Variants in LRRTM4 observed in about 807,000 individuals in gnomAD.
LRRTM4 encodes the protein leucine-rich repeat transmembrane neuronal protein 4.
Under a neutral mutation model 47.6 loss-of-function variants are expected in LRRTM4, and 25 were observed. The ratio of observed to expected loss-of-function variants is 0.53; its 90% CI spans 0.38 to 0.73. The LOEUF (loss-of-function observed/expected upper bound fraction) is 0.73, where lower values mean the gene tolerates loss of function less well. Among genes scored for constraint, LRRTM4 ranks in the 30% least tolerant of loss-of-function variants. The pLI, the probability that LRRTM4 is intolerant of heterozygous loss-of-function variation, is 0.00. For synonymous variants in LRRTM4, 311 were observed against 269.5 expected, an observed-to-expected ratio of 1.15 and a Z score of -1.51; for missense variants, 638 against 713.4, an observed-to-expected ratio of 0.89 and a Z score of 1.20.
intron 3 of LRRTM4, among the ~76,000 whole-genome samples, chr2:77,304,379 T>G (rs1677217439): frequency 6.6e-6 from 1 of 152,180 alleles, no homozygotes; most frequent in Admixed American, 6.5e-5. Context: ...TTGCAAATAT[T>G]TTATCTTATA....
intron 3 of LRRTM4, among the ~76,000 whole-genome samples, chr2:77,240,140 A>T (rs1207596158): frequency 6.6e-6 from 1 of 151,938 alleles, no homozygotes; most frequent in Non-Finnish European, 1.5e-5. Context: ...CTATCTATAA[A>T]ATTTCCATAT....
chr2:77,344,824 C>T (rs1460049093), intron 3 of LRRTM4, among the ~76,000 whole-genome samples: 1 of 151,544 alleles, frequency 6.6e-6, no homozygotes, highest in African/African-American at 2.4e-5. Context: ...CTCTCTGCGA[C>T]CCACAGAGAC....
chr2:77,127,919 C>T (rs150831876), intron 3 of LRRTM4, among the ~76,000 whole-genome samples: 8 of 151,876 alleles, frequency 5.3e-5, no homozygotes, highest in East Asian at 1.9e-4. Context: ...CCAAGGCGGG[C>T]GGATCATGAG....
chr2:77,324,670 T>C (rs1573254432), intron 3 of LRRTM4, among the ~76,000 whole-genome samples: 1 of 152,042 alleles, frequency 6.6e-6, no homozygotes, highest in Non-Finnish European at 1.5e-5. Flanking sequence ...GCTGGAGAGG[T>C]TGACGAAAAC....
chr2:76,771,658 GA>G (rs1444105144), intron 3 of LRRTM4, among the ~76,000 whole-genome samples: 1 of 67,528 alleles, frequency 1.5e-5, no homozygotes, highest in African/African-American at 8.9e-5. Flanking sequence ...AAAAAAAAAA[GA>G]AAAAGAAAAG....
chr2:77,029,529 C>T (rs965074813), intron 3 of LRRTM4, among the ~76,000 whole-genome samples: 8 of 152,130 alleles, frequency 5.3e-5, no homozygotes, highest in Non-Finnish European at 8.8e-5. Flanking sequence ...CTCCACATTC[C>T]ACTTTCTTCT....
chr2:77,218,781 G>A (rs980285135), intron 3 of LRRTM4, among the ~76,000 whole-genome samples: 1 of 152,098 alleles, frequency 6.6e-6, no homozygotes, highest in Admixed American at 6.6e-5. Context: ...GGTGAATTTT[G>A]CAGCTCCATT....
At chr2:77,390,809 A>G (rs1363990832) in intron 3 of LRRTM4, among the ~76,000 whole-genome samples, 1 of 151,810 alleles carries the variant, frequency 6.6e-6, no homozygotes, top group African/African-American at 2.4e-5. Flanking sequence ...TTTCACTAAC[A>G]TTTTTGATGA....
intron 3 of LRRTM4, among the ~76,000 whole-genome samples, chr2:77,277,017 C>G (rs1047079276): frequency 6.6e-6 from 1 of 151,734 alleles, no homozygotes; most frequent in Admixed American, 6.6e-5. Context: ...GTATTCTGTG[C>G]TCGCCTATGT....
At chr2:77,182,960 A>T (rs991975710) in intron 3 of LRRTM4, among the ~76,000 whole-genome samples, 2 of 152,262 alleles carry the variant, frequency 1.3e-5, no homozygotes, top group African/African-American at 4.8e-5. Flanking sequence ...CTTACATGTT[A>T]GACCTAAAAC....
chr2:76,900,994 T>G (rs553860942), intron 3 of LRRTM4, among the ~76,000 whole-genome samples: 1 of 152,214 alleles, frequency 6.6e-6, no homozygotes, highest in South Asian at 2.1e-4. Context: ...AATTCTCCTA[T>G]TCAAGGAAAT....
intron 3 of LRRTM4, among the ~76,000 whole-genome samples, chr2:77,315,222 C>G (rs1487592481): frequency 6.6e-6 from 1 of 152,068 alleles, no homozygotes; most frequent in African/African-American, 2.4e-5. Context: ...ACATTTATGA[C>G]TAGGTTGACA....
intron 3 of LRRTM4, among the ~76,000 whole-genome samples, chr2:76,805,491 G>GAGTT (rs1290295117): frequency 3.3e-5 from 5 of 152,144 alleles, no homozygotes; most frequent in African/African-American, 1.2e-4. Context: ...TAGTGACAAA[G>GAGTT]AGTTAGTACA....
intron 3 of LRRTM4, among the ~76,000 whole-genome samples, chr2:76,845,681 A>C (rs560008995): frequency 6.6e-6 from 1 of 152,322 alleles, no homozygotes; most frequent in African/African-American, 2.4e-5. Context: ...CTAACATGAA[A>C]TATTTTTCAG....
rs73941205 is a variant in LRRTM4 at position 77,319,587 on chromosome 2, C to T, written c.1551+198731G>A. Among the ~76,000 whole-genome samples the T allele has an allele frequency of 7.6e-3, 1,159 of 152,266 alleles. 18 individuals are homozygous for T. Among genetic ancestry groups the T allele is most frequent in the African/African-American group, 0.026 (1,098 of 41,562 alleles). On this transcript the variant is annotated intron_variant, in intron 3 of 3. Transcript: ENST00000409884. Reference sequence around the variant, plus strand: ...TGCCTTCAGCTTATCCTTATGTCCCCTTCTCCTACATCTTGTAAAATAAGG... The same window carrying T: ...TGCCTTCAGCTTATCCTTATGTCCCTTTCTCCTACATCTTGTAAAATAAGG...
chr2:77,506,874 T>C (rs1386006047), intron 3 of LRRTM4, among the ~76,000 whole-genome samples: 1 of 151,990 alleles, frequency 6.6e-6, no homozygotes, highest in Non-Finnish European at 1.5e-5. Context: ...AACTATGTTT[T>C]CAAAAGCATT....
At chr2:77,369,664 G>A (rs772905906) in intron 3 of LRRTM4, among the ~76,000 whole-genome samples, 5 of 151,630 alleles carry the variant, frequency 3.3e-5, no homozygotes, top group Non-Finnish European at 7.4e-5. Flanking sequence ...AAAATGCATC[G>A]TTAGGCAATT....
chr2:77,110,504 T>G (rs1671221257), intron 3 of LRRTM4, among the ~76,000 whole-genome samples: 1 of 152,164 alleles, frequency 6.6e-6, no homozygotes, highest in Non-Finnish European at 1.5e-5. Context: ...ACATTAACAC[T>G]TTAAAAATGG....
At chr2:77,471,644 C>A (rs1320486945) in intron 3 of LRRTM4, among the ~76,000 whole-genome samples, 2 of 152,102 alleles carry the variant, frequency 1.3e-5, no homozygotes, top group Non-Finnish European at 2.9e-5. Context: ...AAATCATTTG[C>A]CCTTGATGTT....
Sources: allele counts gnomAD v4.1 joint callset (sites outside exome capture counted in the v4.1 genomes callset), GRCh38; gene constraint gnomAD v4.1.1; transcripts MANE v1.5; gene names NCBI Gene and HGNC (gene_info 2026-07-23, HGNC 2026-07-21).